NRBP2: variants seen among roughly 807,000 people sequenced by gnomAD.
The protein encoded by NRBP2 is nuclear receptor binding protein 2.
In NRBP2, 47 loss-of-function variants were observed where a neutral mutation model predicts 74.4. The observed-to-expected ratio is 0.63, with a 90% CI of 0.50 to 0.81. NRBP2 has a LOEUF of 0.81. Among genes scored for constraint, NRBP2 ranks in the 30% least tolerant of loss-of-function variants. The probability of loss-of-function intolerance (pLI) is 0.00; values close to 1 mark genes in which losing one functional copy is unlikely to be tolerated. For missense variants in NRBP2, 613 were observed against 690.1 expected (o/e 0.89, Z 1.25); for synonymous variants, 312 against 273.8 (o/e 1.14, Z -1.38).
Position 143,839,947 on chromosome 8 carries a change from G to C in NRBP2, c.336C>G (p.Thr112=). ...IVKLHKYWLD[T]SEACARVIFI... ...TGCTCACCCTCGCGCAGGCCTCAGA[G>C]GTATCCAGCCAGTACTTGTGCAACT... is the stretch of plus-strand genomic sequence containing the variant. Residue 112 remains threonine (T), a synonymous_variant, in exon 3 of 18, where the codon ACC becomes ACG. Coordinates refer to ENST00000442628, the MANE Select transcript of NRBP2 (RefSeq NM_178564.4). The surrounding 1 kb of genome is among the most constrained non-coding windows in gnomAD (Gnocchi z 5.1). The C allele has an allele frequency of 6.5e-7, 1 of 1,536,142 alleles. No individual in the cohort carries two copies. The highest frequency in any genetic ancestry group is 8.7e-7 in the Non-Finnish European group (1 of 1,146,894).
downstream of NRBP2, among the ~76,000 whole-genome samples, chr8:143,831,832 A>T (rs1818175020): frequency 6.6e-6 from 1 of 152,254 alleles, no homozygotes. Flanking sequence ...AAGAGATCAT[A>T]GGTAAAGAGT....
Position 143,840,566 on chromosome 8 carries a change from G to C in NRBP2, c.129+140C>G. The C allele has an allele frequency of 1.1e-6, 1 of 873,548 alleles. No homozygotes were observed. Among genetic ancestry groups the C allele is most frequent in the Non-Finnish European group, 1.6e-6 (1 of 607,024 alleles). The allele number at this position is 873,548 out of a possible 1,614,324, so 54.1% of individuals were successfully genotyped here. ...GCCAGGCCAAAGGGGTCCAGGGGTG[G>C]CTGATTCGCGGGCCGCGAGGGGCCG... On this transcript the variant is annotated intron_variant, in intron 1 of 17. Transcript: ENST00000442628. This position sits in a 1 kb window ranked among gnomAD's most constrained non-coding sequence, Gnocchi z 5.7.
Position 143,833,644 on chromosome 8 carries a change from C to T in NRBP2, c.*2018G>A, listed in dbSNP as rs1818242622. On this transcript the variant is annotated 3_prime_UTR_variant, in exon 18 of 18. Transcript: ENST00000442628. Reference sequence around the variant, plus strand: ...TTTATTATTGGCCTCAAAAAAAAAACTATTCTACTTTAAAAACAATACATA... The same window carrying T: ...TTTATTATTGGCCTCAAAAAAAAAATTATTCTACTTTAAAAACAATACATA... The T allele has an allele frequency of 6.6e-6, 1 of 151,836 alleles. No homozygotes were observed. The highest frequency in any genetic ancestry group is 1.5e-5 in the Non-Finnish European group (1 of 67,952). 9.4% of individuals were successfully genotyped at this position (151,836 alleles called of 1,614,324 possible).
rs528334255 is a variant in NRBP2, at chr8:143,837,392, G to C, written c.1076+15C>G. 2.5e-4 allele frequency: 399 copies of C among 1,578,688 alleles called. 7 individuals carry two copies. The South Asian group carries it at 4.2e-3, about 17-fold the overall frequency. ...AGGTGTGGGGAGGGGAGGCTTCTGG[G>C]TGCTGACTGCTCACCGCCACTGCAG... On this transcript the variant is annotated intron_variant, in intron 12 of 17. Transcript: ENST00000442628. This position sits in a 1 kb window ranked among gnomAD's most constrained non-coding sequence, Gnocchi z 4.3.
chr8:143,831,922 T>A (rs1476234448), downstream of NRBP2, among the ~76,000 whole-genome samples: 4 of 152,196 alleles, frequency 2.6e-5, no homozygotes, highest in Non-Finnish European at 5.9e-5. Flanking sequence ...AATAAATGAT[T>A]TTCAACCAAG....
At position 143,835,913 on chromosome 8, in the gene NRBP2, CCCACCCGCCGCCTGGGGTCA is replaced by C. The variant is rs782448886; in HGVS notation, c.1381+34_1382-39del. The stretch of plus-strand genomic sequence containing the variant: ...CGTAAGGCGAGGCATGAGGCCGCTG[CCCACCCGCCGCCTGGGGTCA>C]CCGCCCGCCGCCCAAGTCCCCTGCC... On this transcript the variant is annotated intron_variant, in intron 16 of 17. Coordinates refer to ENST00000442628, the MANE Select transcript of NRBP2 (RefSeq NM_178564.4). This position sits in a 1 kb window ranked among gnomAD's most constrained non-coding sequence, Gnocchi z 4.9. 3.8e-6 allele frequency: 6 copies of C among 1,594,282 alleles called. No homozygotes were observed. The Admixed American group carries it at 5.1e-5, about 14-fold the overall frequency.
At chr8:143,838,578 A>G in intron 10 of NRBP2, 102 bp downstream of exon 10, 1 of 840,894 alleles carries the variant, frequency 1.2e-6, no homozygotes, top group South Asian at 1.6e-5. Context: ...ATACCCCTCA[A>G]CTGCACAAAC....
chr8:143,835,613 C>G lies in NRBP2; in HGVS notation c.*49G>C. ...CGGTGCTGGAGTCTCCCCAACATGG[C>G]CTGCCCAGGCAGCACCCCGGCATGG... On this transcript the variant is annotated 3_prime_UTR_variant, in exon 18 of 18. Coordinates refer to ENST00000442628, the MANE Select transcript of NRBP2 (RefSeq NM_178564.4). This position sits in a 1 kb window ranked among gnomAD's most constrained non-coding sequence, Gnocchi z 4.9. The G allele has an allele frequency of 6.7e-7, 1 of 1,481,836 alleles. No homozygotes were observed. The allele number at this position is 1,481,836 out of a possible 1,614,324, so 91.8% of individuals were successfully genotyped here.
chr8:143,838,960 A>G (rs1554652687), intron 8 of NRBP2, 22 bp from the exon 9 acceptor site: 13 of 1,590,874 alleles, frequency 8.2e-6, no homozygotes, highest in Non-Finnish European at 1.0e-5. Flanking sequence ...AGAGCACAGG[A>G]CACGTAGGAG....
rs1554653435 is a variant in NRBP2 at position 143,840,361 on chromosome 8, G to A, written c.130-132C>T. The A allele has an allele frequency of 8.2e-7, 1 of 1,223,264 alleles. No individual in the cohort carries two copies. Among genetic ancestry groups the A allele is most frequent in the Admixed American group, 2.6e-5 (1 of 39,066 alleles). The allele number at this position is 1,223,264 out of a possible 1,614,324, so 75.8% of individuals were successfully genotyped here. A position where few individuals can be genotyped will look rare whatever the true frequency, so the allele number is the denominator to read the frequency against. On this transcript the variant is annotated intron_variant, in intron 1 of 17. Transcript: ENST00000442628. The surrounding 1 kb of genome is among the most constrained non-coding windows in gnomAD (Gnocchi z 5.7). Reference sequence around the variant, plus strand: ...GCCCTGAGCCACTCTGCGGGAAGGTGGGGCTTGGAGGGTAGCTGCCCCCAG... The same window carrying A: ...GCCCTGAGCCACTCTGCGGGAAGGTAGGGCTTGGAGGGTAGCTGCCCCCAG...
At position 143,835,656 on chromosome 8, in the gene NRBP2, T is replaced by C. The variant is rs782277608; in HGVS notation, c.*6A>G. 6.4e-7 allele frequency: 1 copy of C among 1,574,486 alleles called. No homozygotes were observed. The highest frequency in any genetic ancestry group is 8.6e-7 in the Non-Finnish European group (1 of 1,162,918). On this transcript the variant is annotated 3_prime_UTR_variant, in exon 18 of 18. Coordinates refer to ENST00000442628, the MANE Select transcript of NRBP2 (RefSeq NM_178564.4). This position sits in a 1 kb window ranked among gnomAD's most constrained non-coding sequence, Gnocchi z 4.9. ...CGGCATGGTCCCCTGGGGCTGGGGC[T>C]CCGGGTCAGGCCTGGGTCCCACGGT...
Position 143,839,803 on chromosome 8 carries a change from A to AC in NRBP2, c.376dup (p.Val126GlyfsTer81). 6.5e-7 allele frequency: 1 copy of AC among 1,536,026 alleles called. No individual in the cohort carries two copies. The highest frequency in any genetic ancestry group is 8.7e-7 in the Non-Finnish European group (1 of 1,146,884). ...GAATTGCTTGAGGCTGCCTGATGAC[A>AC]CGTACTCTGTGATGAAGATGACCTG... On this transcript the variant is annotated frameshift_variant, in exon 4 of 18. Transcript: ENST00000442628. LOFTEE classifies it high-confidence loss of function. The surrounding 1 kb of genome is among the most constrained non-coding windows in gnomAD (Gnocchi z 5.1).
downstream of NRBP2, chr8:143,829,816 C>T (rs1396948525): frequency 1.3e-5 from 2 of 152,810 alleles, no homozygotes; most frequent in East Asian, 3.8e-4. Context: ...CGGGAGGCCC[C>T]GTTCAATTGG....
rs1292433124 is a variant in NRBP2, at chr8:143,839,879, G to A, written c.354+50C>T. ...CAGCTGCGGGTTCGTCCCCATGCCC[G>A]CCCCACCTAGCTGTGGTCTCTGCCT... On this transcript the variant is annotated intron_variant, in intron 3 of 17. Transcript: ENST00000442628. The surrounding 1 kb of genome is among the most constrained non-coding windows in gnomAD (Gnocchi z 5.1). 2.6e-6 allele frequency: 4 copies of A among 1,534,106 alleles called. No homozygotes were observed. In the South Asian group the frequency reaches 4.8e-5, roughly 18 times the overall value.
rs781829517 is a variant in NRBP2, at chr8:143,838,872, G to C, written c.744+11C>G. ...GAGGGCAGAGCACAAGGTGGAGGGC[G>C]GGGGCAGTACCTCCAGCGCACACAT... On this transcript the variant is annotated intron_variant, in intron 9 of 17. Coordinates refer to ENST00000442628, the MANE Select transcript of NRBP2 (RefSeq NM_178564.4). 4.3e-6 allele frequency: 7 copies of C among 1,613,086 alleles called. No homozygotes were observed. The highest frequency in any genetic ancestry group is 5.1e-6 in the Non-Finnish European group (6 of 1,179,500).
At position 143,840,907 on chromosome 8, in the gene NRBP2, C is replaced by G; in HGVS notation, c.-73G>C. ...GCAGCCTCTCCCGGCCCGCCCTGGC[C>G]TCGCGCCCAGCAGCCCAGCCTAGAG... is the stretch of plus-strand genomic sequence containing the variant. On this transcript the variant is annotated 5_prime_UTR_variant, in exon 1 of 18. Transcript: ENST00000442628. The surrounding 1 kb of genome is among the most constrained non-coding windows in gnomAD (Gnocchi z 5.7). 8.2e-7 allele frequency: 1 copy of G among 1,223,646 alleles called. No individual in the cohort carries two copies. Among genetic ancestry groups the G allele is most frequent in the Non-Finnish European group, 1.0e-6 (1 of 986,428 alleles). 75.8% of individuals were successfully genotyped at this position (1,223,646 alleles called of 1,614,324 possible). A position where few individuals can be genotyped will look rare whatever the true frequency, so the allele number is the denominator to read the frequency against.
chr8:143,837,494 T>C lies in NRBP2; in HGVS notation c.989A>G (p.Asn330Ser), dbSNP rs2130540644. Residue 330 changes from asparagine (N) to serine (S), a missense_variant, in exon 12 of 18, where the codon AAT (asparagine) becomes AGT (serine). Physicochemically the swap from Asn to Ser is conservative, Grantham distance 46. Transcript: ENST00000442628. This position sits in a 1 kb window ranked among gnomAD's most constrained non-coding sequence, Gnocchi z 4.3. ...FIQHQYLMPE[N>S]VVEEKTKAMD... ...GGCCTTGGTCTTCTCCTCCACCACA[T>C]TCTCAGGCATGAGGTCTGCGGCCAC... The C allele has an allele frequency of 6.2e-7, 1 of 1,610,640 alleles. No homozygotes were observed. Among genetic ancestry groups the C allele is most frequent in the Non-Finnish European group, 8.5e-7 (1 of 1,178,944 alleles).
Position 143,839,423 on chromosome 8 carries a change from G to A in NRBP2, c.486-15C>T. 6.4e-7 allele frequency: 1 copy of A among 1,552,792 alleles called. No homozygotes were observed. Among genetic ancestry groups the A allele is most frequent in the Non-Finnish European group, 8.6e-7 (1 of 1,156,778 alleles). On this transcript the variant is annotated splice_polypyrimidine_tract_variant and intron_variant, in intron 5 of 17. Coordinates refer to ENST00000442628, the MANE Select transcript of NRBP2 (RefSeq NM_178564.4). The surrounding 1 kb of genome is among the most constrained non-coding windows in gnomAD (Gnocchi z 5.1). ...CGTGCAGGAAGCTGCAGACGTTGGGGAGGGGAGAGTAGGAGGAGCCGGTCA... is the reference window on the plus strand; with the variant it reads ...CGTGCAGGAAGCTGCAGACGTTGGGAAGGGGAGAGTAGGAGGAGCCGGTCA...
chr8:143,835,546 G>T lies in NRBP2; in HGVS notation c.*116C>A. ...GGAGACGGGGGGTTCCTTCACTACC[G>T]GGGCCTTTGTGCTCCCAGGCGCATG... On this transcript the variant is annotated 3_prime_UTR_variant, in exon 18 of 18. Coordinates refer to ENST00000442628, the MANE Select transcript of NRBP2 (RefSeq NM_178564.4). The surrounding 1 kb of genome is among the most constrained non-coding windows in gnomAD (Gnocchi z 4.9). The T allele has an allele frequency of 2.4e-6, 2 of 843,134 alleles. No homozygotes were observed. The highest frequency in any genetic ancestry group is 1.8e-6 in the Non-Finnish European group (1 of 546,844). The allele number at this position is 843,134 out of a possible 1,614,324, so 52.2% of individuals were successfully genotyped here.
Sources: allele counts gnomAD v4.1 joint callset (sites outside exome capture counted in the v4.1 genomes callset), GRCh38; gene constraint gnomAD v4.1.1; non-coding constraint Gnocchi (gnomAD v3.1); transcripts MANE v1.5; gene names NCBI Gene and HGNC (gene_info 2026-07-23, HGNC 2026-07-21).